PARD3B: variants seen among roughly 807,000 people sequenced by gnomAD.
PARD3B encodes the protein par-3 family cell polarity regulator beta.
PARD3B carries 103 observed loss-of-function variants against 130.2 expected under a neutral mutation model. That is an observed-to-expected ratio of 0.79 (90% CI 0.67 to 0.93). The LOEUF is 0.93. Among genes scored for constraint, PARD3B ranks in the 40% least tolerant of loss-of-function variants. The pLI, the probability that PARD3B is intolerant of heterozygous loss-of-function variation, is 0.00. For missense variants in PARD3B, 1,609 were observed against 1,499.2 expected, an observed-to-expected ratio of 1.07 and a Z score of -1.21; for synonymous variants, 583 against 553.2, an observed-to-expected ratio of 1.05 and a Z score of -0.76.
chr2:205,284,106 A>C (rs1001132970), intron 16 of PARD3B, among the ~76,000 whole-genome samples: 7 of 152,270 alleles, frequency 4.6e-5, no homozygotes, highest in Non-Finnish European at 8.8e-5. Context: ...AGACAGGATT[A>C]GCTGTACTTA....
At chr2:204,655,030 T>C (rs143763265) in intron 1 of PARD3B, among the ~76,000 whole-genome samples, 8 of 152,220 alleles carry the variant, frequency 5.3e-5, no homozygotes, top group Middle Eastern at 3.4e-3. Flanking sequence ...AATACTTAGA[T>C]TTGTTGCTTT....
chr2:205,152,866 G>C (rs1046616958), intron 10 of PARD3B, among the ~76,000 whole-genome samples: 1 of 152,124 alleles, frequency 6.6e-6, no homozygotes, highest in Admixed American at 6.5e-5. Context: ...CAGCTTTTCT[G>C]CTCTGTTTTT....
At chr2:205,132,535 CA>C (rs2032097690) in intron 10 of PARD3B, among the ~76,000 whole-genome samples, 1 of 152,238 alleles carries the variant, frequency 6.6e-6, no homozygotes, top group African/African-American at 2.4e-5. Context: ...TTTGCTTGGG[CA>C]AAGCTTCCTT....
chr2:205,590,764 G>A lies in PARD3B; in HGVS notation c.3261-24692G>A, dbSNP rs551811701. Among the ~76,000 whole-genome samples, 1 of 152,246 alleles carries A rather than the reference G, an allele frequency of 6.6e-6. No homozygotes were observed. Among genetic ancestry groups the A allele is most frequent in the South Asian group, 2.1e-4 (1 of 4,824 alleles). On this transcript the variant is annotated intron_variant, in intron 22 of 22. Coordinates refer to ENST00000406610, the MANE Select transcript of PARD3B (RefSeq NM_001302769.2). The surrounding 1 kb of genome is among the most constrained non-coding windows in gnomAD (Gnocchi z 4.1). ...AGGATGAAGGAGAAAAGTAGAAGCT[G>A]TTGCCACATATTCACAAGAAGTAGG...
chr2:205,122,026 A>C lies in PARD3B; in HGVS notation c.1165+77A>C, dbSNP rs978231503. Reference sequence around the variant, plus strand: ...TGGTTAAGAGAAATGCATTAAGGCTAATTTAGTTAATTCTCCCTTCATTTA... The same window carrying C: ...TGGTTAAGAGAAATGCATTAAGGCTCATTTAGTTAATTCTCCCTTCATTTA... On this transcript the variant is annotated intron_variant, in intron 8 of 22. Coordinates refer to ENST00000406610, the MANE Select transcript of PARD3B (RefSeq NM_001302769.2). This position sits in a 1 kb window ranked among gnomAD's most constrained non-coding sequence, Gnocchi z 4.3. 3 of 1,198,484 alleles carry C rather than the reference A, an allele frequency of 2.5e-6. No homozygotes were observed. Among genetic ancestry groups the C allele is most frequent in the Admixed American group, 4.9e-5 (2 of 41,084 alleles). 74.2% of individuals were successfully genotyped at this position (1,198,484 alleles called of 1,614,324 possible). A position where few individuals can be genotyped will look rare whatever the true frequency, so the allele number is the denominator to read the frequency against.
chr2:204,825,300 A>C (rs925696825), intron 2 of PARD3B, among the ~76,000 whole-genome samples: 5 of 152,196 alleles, frequency 3.3e-5, no homozygotes, highest in Admixed American at 3.3e-4. Flanking sequence ...AGAGTTCAGG[A>C]TCTCTAGAAG....
chr2:205,607,840 A>ACG (rs1349383319), intron 22 of PARD3B, among the ~76,000 whole-genome samples: 12 of 96,382 alleles, frequency 1.2e-4, no homozygotes, highest in Admixed American at 2.6e-4. Context: ...ATACACACAC[A>ACG]CACACACACA....
chr2:205,332,037 G>A (rs1053284438), intron 18 of PARD3B, among the ~76,000 whole-genome samples: 14 of 152,018 alleles, frequency 9.2e-5, no homozygotes, highest in African/African-American at 3.4e-4. Context: ...CCCGGGAGGT[G>A]GAAGTTACAG....
chr2:205,497,822 G>C (rs1262656568), intron 20 of PARD3B, among the ~76,000 whole-genome samples: 5 of 152,118 alleles, frequency 3.3e-5, no homozygotes, highest in Non-Finnish European at 7.4e-5. Flanking sequence ...TATCAATTGA[G>C]TTAAAGTACC....
At chr2:205,037,331 A>G (rs1312256068) in intron 3 of PARD3B, among the ~76,000 whole-genome samples, 4 of 90,842 alleles carry the variant, frequency 4.4e-5, no homozygotes, top group African/African-American at 1.1e-4. Flanking sequence ...GACTATTTGT[A>G]TAAAATATAT....
chr2:204,559,080 A>G (rs1324204848), intron 1 of PARD3B, among the ~76,000 whole-genome samples: 3 of 152,244 alleles, frequency 2.0e-5, no homozygotes, highest in Non-Finnish European at 4.4e-5. Flanking sequence ...ACCTAAAACC[A>G]TGAAAACCGT....
chr2:205,088,333 C>A (rs1701867675), intron 4 of PARD3B, among the ~76,000 whole-genome samples: 1 of 152,096 alleles, frequency 6.6e-6, no homozygotes, highest in Non-Finnish European at 1.5e-5. Flanking sequence ...AAGACTAGAT[C>A]TAGATGCATG....
chr2:205,198,984 A>G (rs1186465873), intron 15 of PARD3B, among the ~76,000 whole-genome samples: 1 of 152,104 alleles, frequency 6.6e-6, no homozygotes, highest in East Asian at 1.9e-4. Flanking sequence ...CTTAAAGAAA[A>G]GAACCTGTTT....
chr2:205,381,974 G>C (rs569466244), intron 18 of PARD3B, among the ~76,000 whole-genome samples: 14 of 152,108 alleles, frequency 9.2e-5, no homozygotes, highest in African/African-American at 2.6e-4. Context: ...AATTTGCAAA[G>C]AAGTAGCACA....
chr2:205,185,262 T>G (rs187949686), intron 13 of PARD3B, among the ~76,000 whole-genome samples: 4 of 150,048 alleles, frequency 2.7e-5, no homozygotes, highest in African/African-American at 9.8e-5. Flanking sequence ...GTTTGTGTGT[T>G]TGTGTGTGTG....
At chr2:205,150,653 T>C (rs1403732422) in intron 10 of PARD3B, among the ~76,000 whole-genome samples, 1 of 152,186 alleles carries the variant, frequency 6.6e-6, no homozygotes, top group Non-Finnish European at 1.5e-5. Flanking sequence ...AAGAAAGATA[T>C]AAAACATAAC....
intron 2 of PARD3B, among the ~76,000 whole-genome samples, chr2:204,960,394 T>C (rs753606116): frequency 6.6e-6 from 1 of 152,086 alleles, no homozygotes; most frequent in Non-Finnish European, 1.5e-5. Context: ...TAATCTCCAG[T>C]TTTGGAGTAT....
At chr2:204,965,797 A>G (rs1691189777) in intron 3 of PARD3B, among the ~76,000 whole-genome samples, 1 of 152,198 alleles carries the variant, frequency 6.6e-6, no homozygotes, top group Non-Finnish European at 1.5e-5. Flanking sequence ...TTATTCAGAC[A>G]AGACAATTCA....
rs1281809031 is a variant in PARD3B at position 205,301,040 on chromosome 2, T to C, written c.2392+304T>C. On this transcript the variant is annotated intron_variant, in intron 17 of 22. Transcript: ENST00000406610. This position sits in a 1 kb window ranked among gnomAD's most constrained non-coding sequence, Gnocchi z 5.2. ...AGCACTAAGTATGCATTTCTTGACA[T>C]TCTCATTCGAGTCATTAGAGGCAGC... Among the ~76,000 whole-genome samples, 1 of 152,218 alleles carries C rather than the reference T, an allele frequency of 6.6e-6. No individual in the cohort carries two copies.
Sources: gnomAD v4.1 joint callset for allele counts (sites outside exome capture counted in the v4.1 genomes callset) on GRCh38, gnomAD v4.1.1 for gene constraint, Gnocchi (gnomAD v3.1) non-coding constraint, MANE v1.5 for transcripts, NCBI Gene and HGNC (gene_info 2026-07-23, HGNC 2026-07-21) for gene names.